CLVS1: variants seen among roughly 807,000 people sequenced by gnomAD.
CLVS1 encodes the protein clavesin 1, also known as clavesin-1.
CLVS1 carries 10 observed loss-of-function variants against 33.1 expected under a neutral mutation model. The ratio of observed to expected loss-of-function variants is 0.30; its 90% confidence interval spans 0.19 to 0.51. CLVS1 has a LOEUF of 0.51. Ranked by LOEUF, CLVS1 falls within the 20% of genes least tolerant of loss-of-function variation. The pLI is 0.97. For synonymous variants in CLVS1, 163 were observed against 166.1 expected (o/e 0.98, Z 0.14); for missense variants, 343 against 433.4 (o/e 0.79, Z 1.85).
intron 1 of CLVS1, among the ~76,000 whole-genome samples, chr8:61,086,877 C>T (rs1045467192): frequency 6.6e-6 from 1 of 152,168 alleles, no homozygotes; most frequent in Admixed American, 6.5e-5. Flanking sequence ...CCAGATGATG[C>T]TTGCCTCAGT....
At chr8:61,220,622 G>T (rs28819247) in intron 2 of CLVS1, among the ~76,000 whole-genome samples, 2 of 151,464 alleles carry the variant, frequency 1.3e-5, no homozygotes, top group Admixed American at 6.6e-5. Context: ...TTTTTGCTTA[G>T]GATTGTCTTG....
chr8:61,344,873 A>G (rs1937998164), intron 2 of CLVS1, among the ~76,000 whole-genome samples: 1 of 152,098 alleles, frequency 6.6e-6, no homozygotes, highest in Middle Eastern at 3.4e-3. Flanking sequence ...TGCAGAAAGC[A>G]TACTATTTGG....
At chr8:61,175,403 C>T (rs1807095065) in intron 2 of CLVS1, among the ~76,000 whole-genome samples, 1 of 152,186 alleles carries the variant, frequency 6.6e-6, no homozygotes, top group South Asian at 2.1e-4. Flanking sequence ...GCACCTTGAC[C>T]TTGGACTTCC....
chr8:61,026,758 TGAA>T, the CLVS1 span, among the ~76,000 whole-genome samples: 2 of 152,322 alleles, frequency 1.3e-5, no homozygotes, highest in South Asian at 4.1e-4. Flanking sequence ...AGCTAACACT[TGAA>T]GAACATAGGG....
intron 1 of CLVS1, among the ~76,000 whole-genome samples, chr8:61,090,306 T>A (rs1440374508): frequency 6.6e-6 from 1 of 152,168 alleles, no homozygotes; most frequent in Admixed American, 6.5e-5. Flanking sequence ...CCTTCAGAAG[T>A]CACGTGTACT....
At chr8:61,300,447 T>C in intron 2 of CLVS1, 165 bp downstream of exon 2, 3 of 599,414 alleles carry the variant, frequency 5.0e-6, no homozygotes, top group Non-Finnish European at 8.7e-6. Flanking sequence ...AAAAGGCAAT[T>C]CCAGATGGAA....
intron 1 of CLVS1, among the ~76,000 whole-genome samples, chr8:61,062,953 T>C (rs1563388918): frequency 6.6e-6 from 1 of 152,208 alleles, no homozygotes; most frequent in African/African-American, 2.4e-5. Context: ...TTATTGTTTA[T>C]TGTGTATCAG....
At chr8:60,982,687 G>A in the CLVS1 span, among the ~76,000 whole-genome samples, 2 of 152,250 alleles carry the variant, frequency 1.3e-5, no homozygotes, top group South Asian at 4.2e-4. Flanking sequence ...TGGCAGTGAG[G>A]TTTTTAACTG....
At chr8:61,182,213 A>C (rs1313653778) in intron 2 of CLVS1, among the ~76,000 whole-genome samples, 1 of 152,224 alleles carries the variant, frequency 6.6e-6, no homozygotes, top group Admixed American at 6.5e-5. Flanking sequence ...TGCAAAACCC[A>C]AAACCATAAA....
chr8:61,241,863 T>C (rs916928798), intron 2 of CLVS1, among the ~76,000 whole-genome samples: 1 of 152,200 alleles, frequency 6.6e-6, no homozygotes, highest in African/African-American at 2.4e-5. Context: ...TGATGACTCC[T>C]TTTAGTCTGA....
chr8:61,249,164 G>A (rs1033989008), intron 2 of CLVS1, among the ~76,000 whole-genome samples: 1 of 152,082 alleles, frequency 6.6e-6, no homozygotes, highest in Non-Finnish European at 1.5e-5. Flanking sequence ...AACATGTGAT[G>A]CAAACACTGG....
At chr8:61,406,981 G>A (rs1043021673) in intron 3 of CLVS1, among the ~76,000 whole-genome samples, 2 of 152,142 alleles carry the variant, frequency 1.3e-5, no homozygotes, top group Non-Finnish European at 2.9e-5. Flanking sequence ...TAGTTTTAAG[G>A]ATTTTACTAG....
intron 2 of CLVS1, among the ~76,000 whole-genome samples, chr8:61,181,697 C>CTTTTTTTTTTTT (rs369025438): frequency 1.8e-4 from 19 of 103,194 alleles, no homozygotes; most frequent in Non-Finnish European, 3.2e-4. Context: ...ACCATCTGAT[C>CTTTTTTTTTTTT]TTTTTTTTTT....
chr8:61,493,939 G>A (rs909288105), intron 5 of CLVS1, among the ~76,000 whole-genome samples: 1 of 152,200 alleles, frequency 6.6e-6, no homozygotes, highest in East Asian at 1.9e-4. Flanking sequence ...TGGGGTTGGA[G>A]AGCAGCATTC....
intron 2 of CLVS1, among the ~76,000 whole-genome samples, chr8:61,208,253 C>T (rs1807899152): frequency 1.3e-5 from 2 of 152,198 alleles, no homozygotes; most frequent in Admixed American, 1.3e-4. Flanking sequence ...TTTCCAGGCA[C>T]ACATGCTGAT....
At chr8:61,435,365 A>C (rs1368306039) in intron 3 of CLVS1, among the ~76,000 whole-genome samples, 2 of 152,194 alleles carry the variant, frequency 1.3e-5, no homozygotes, top group Non-Finnish European at 2.9e-5. Flanking sequence ...CATTCTTAAA[A>C]GATTTTAGCC....
intron 4 of CLVS1, among the ~76,000 whole-genome samples, chr8:61,457,257 G>T (rs942862635): frequency 6.6e-6 from 1 of 152,050 alleles, no homozygotes; most frequent in Non-Finnish European, 1.5e-5. Flanking sequence ...TTTCATCATG[G>T]TTATACTGTA....
Position 61,357,672 on chromosome 8 carries a change from A to AT in CLVS1, c.456-18927dup, listed in dbSNP as rs549041105. On this transcript the variant is annotated intron_variant, in intron 2 of 5. Transcript: ENST00000325897. Reference sequence around the variant, plus strand: ...AGGTGCCTGCCACCATGTCTGGCTAATTTTTTGTATTTTTAGTAGAGACAG... The same window carrying AT: ...AGGTGCCTGCCACCATGTCTGGCTAATTTTTTTGTATTTTTAGTAGAGACAG... Among the ~76,000 whole-genome samples the AT allele has an allele frequency of 7.0e-4, 106 of 150,742 alleles. 1 individual carries two copies. The Middle Eastern group carries it at 0.021, about 29-fold the overall frequency.
At chr8:61,199,997 C>A (rs2978492) in intron 2 of CLVS1, among the ~76,000 whole-genome samples, 53,419 of 152,104 alleles carry the variant, frequency 0.35, 11,778 homozygotes, top group Middle Eastern at 0.57. Flanking sequence ...CAAGGACAAC[C>A]TTCTCTTTAG....
Sources: gnomAD v4.1 joint callset for allele counts (sites outside exome capture counted in the v4.1 genomes callset) on GRCh38, gnomAD v4.1.1 for gene constraint, MANE v1.5 for transcripts, NCBI Gene and HGNC (gene_info 2026-07-23, HGNC 2026-07-21) for gene names.